PHF14: variants seen among roughly 807,000 people sequenced by gnomAD.
The protein encoded by PHF14 is PHD finger protein 14.
Under a neutral mutation model 117.9 loss-of-function variants are expected in PHF14, and 55 were observed. That is an observed-to-expected ratio of 0.47 (90% CI 0.38 to 0.58). The LOEUF is 0.58. PHF14 is among the 20% of genes least tolerant of loss of function. The probability of loss-of-function intolerance (pLI) is 0.00; values close to 1 mark genes in which losing one functional copy is unlikely to be tolerated. For missense variants in PHF14, 978 were observed against 1,122.2 expected, an observed-to-expected ratio of 0.87 and a Z score of 1.84; for synonymous variants, 409 against 368.6, an observed-to-expected ratio of 1.11 and a Z score of -1.26.
intron 1 of PHF14, 41 bp downstream of exon 1, chr7:10,974,365 A>C (rs758884724): frequency 1.4e-5 from 22 of 1,559,754 alleles, no homozygotes. Flanking sequence ...GGTCCATTTC[A>C]GCCATTCTAG....
intron 13 of PHF14, among the ~76,000 whole-genome samples, chr7:11,047,171 C>T (rs1366949043): frequency 3.9e-5 from 6 of 151,952 alleles, no homozygotes; most frequent in Non-Finnish European, 7.4e-5. Context: ...TGGGTGCAAG[C>T]AATTCTCCTG....
intron 17 of PHF14, among the ~76,000 whole-genome samples, chr7:11,124,614 T>G (rs1271280253): frequency 1.3e-5 from 2 of 152,048 alleles, no homozygotes; most frequent in Non-Finnish European, 2.9e-5. Flanking sequence ...ATCTCCTTTC[T>G]GCAGATGAAA....
At chr7:11,033,468 G>T (rs145256609) in intron 7 of PHF14, among the ~76,000 whole-genome samples, 2 of 148,956 alleles carry the variant, frequency 1.3e-5, no homozygotes, top group East Asian at 3.9e-4. Flanking sequence ...CAAGGGCATG[G>T]TCTGGGCATT....
At chr7:11,058,963 T>G (rs1180373014) in intron 14 of PHF14, among the ~76,000 whole-genome samples, 1 of 152,094 alleles carries the variant, frequency 6.6e-6, no homozygotes, top group Non-Finnish European at 1.5e-5. Context: ...TGGAAATTGT[T>G]TATGTGTCTT....
Position 11,002,988 on chromosome 7 carries a change from C to T in PHF14, c.1046-10759C>T, listed in dbSNP as rs552712313. Among the ~76,000 whole-genome samples, 7 of 152,026 alleles carry T rather than the reference C, an allele frequency of 4.6e-5. No individual in the cohort carries two copies. In the South Asian group the frequency reaches 1.5e-3, roughly 32 times the overall value. ...TTTGAGACGGAGTCTCGCTCTGTCA[C>T]CAGGCTGGAGTGCAGTGGCATGATC... is the stretch of plus-strand genomic sequence containing the variant. On this transcript the variant is annotated intron_variant, in intron 4 of 17. Transcript: ENST00000634607.
chr7:11,166,909 T>G (rs1789218056), intron 17 of PHF14, among the ~76,000 whole-genome samples: 1 of 152,156 alleles, frequency 6.6e-6, no homozygotes, highest in Non-Finnish European at 1.5e-5. Context: ...AAACTGTACT[T>G]TATTTCTAAG....
chr7:11,108,244 A>AT (rs1487536000), intron 16 of PHF14: 2 of 151,718 alleles, frequency 1.3e-5, no homozygotes, highest in Admixed American at 6.6e-5. Context: ...GAAACAACAG[A>AT]TTTTTTTCAC....
chr7:11,128,534 G>A (rs1361520181), intron 17 of PHF14, among the ~76,000 whole-genome samples: 1 of 151,814 alleles, frequency 6.6e-6, no homozygotes, highest in Non-Finnish European at 1.5e-5. Context: ...CTTTGGGAAA[G>A]ATCACTTTTC....
At chr7:11,165,642 A>G (rs1789181348) in intron 17 of PHF14, among the ~76,000 whole-genome samples, 1 of 152,188 alleles carries the variant, frequency 6.6e-6, no homozygotes, top group Non-Finnish European at 1.5e-5. Context: ...CCAGATGCTA[A>G]AATAGTTGGC....
At chr7:10,996,315 A>AT in intron 4 of PHF14, among the ~76,000 whole-genome samples, 1 of 152,346 alleles carries the variant, frequency 6.6e-6, no homozygotes, top group Non-Finnish European at 1.5e-5. Flanking sequence ...TTTATGTAAG[A>AT]TGTTAGGACT....
chr7:11,141,981 A>G (rs564874851), intron 17 of PHF14, among the ~76,000 whole-genome samples: 3 of 152,136 alleles, frequency 2.0e-5, no homozygotes, highest in African/African-American at 4.8e-5. Flanking sequence ...TCAAATGGCC[A>G]TATTTTGAAT....
chr7:10,991,325 G>C (rs1163293295), intron 4 of PHF14, among the ~76,000 whole-genome samples: 1 of 151,868 alleles, frequency 6.6e-6, no homozygotes, highest in African/African-American at 2.4e-5. Context: ...TTACAGGCAC[G>C]AGCCACCATG....
chr7:11,006,547 T>A, intron 4 of PHF14: 1 of 586,714 alleles, frequency 1.7e-6, no homozygotes, highest in Non-Finnish European at 3.3e-6. Context: ...GCCTGTTTGA[T>A]CTGGTGCTTG....
chr7:10,976,434 G>C (rs1781866572), intron 2 of PHF14, among the ~76,000 whole-genome samples: 1 of 152,088 alleles, frequency 6.6e-6, no homozygotes, highest in South Asian at 2.1e-4. Context: ...TATGGTTGTG[G>C]TTGTAAACTT....
At chr7:11,143,408 A>C (rs1488351799) in intron 17 of PHF14, among the ~76,000 whole-genome samples, 2 of 152,102 alleles carry the variant, frequency 1.3e-5, no homozygotes, top group Admixed American at 1.3e-4. Flanking sequence ...GGCATGAGCC[A>C]CCATGCCCAG....
At chr7:11,063,442 T>C (rs973403041) in intron 16 of PHF14, 33 of 974,166 alleles carry the variant, frequency 3.4e-5, no homozygotes, top group Non-Finnish European at 3.7e-5. Flanking sequence ...AACAATCTTA[T>C]ATAATGAACA....
At chr7:10,995,231 T>TCGGG (rs1437296256) in intron 4 of PHF14, among the ~76,000 whole-genome samples, 1 of 150,960 alleles carries the variant, frequency 6.6e-6, no homozygotes, top group African/African-American at 2.4e-5. Context: ...CCCACCAGAT[T>TCGGG]AGCTAGATAC....
intron 17 of PHF14, among the ~76,000 whole-genome samples, chr7:11,153,890 G>A (rs1186448655): frequency 6.7e-6 from 1 of 149,830 alleles, no homozygotes; most frequent in African/African-American, 2.5e-5. Flanking sequence ...GAAGTATTGT[G>A]TCCTCACATT....
At chr7:11,071,747 A>G (rs1470373442) in intron 16 of PHF14, among the ~76,000 whole-genome samples, 2 of 152,184 alleles carry the variant, frequency 1.3e-5, no homozygotes, top group Admixed American at 1.3e-4. Context: ...GCCCTGAGAC[A>G]TGTTTCTGAT....
Sources: allele counts gnomAD v4.1 joint callset (sites outside exome capture counted in the v4.1 genomes callset), GRCh38; gene constraint gnomAD v4.1.1; transcripts MANE v1.5; gene names NCBI Gene and HGNC (gene_info 2026-07-23, HGNC 2026-07-21).